NKAIN2: variants seen among roughly 807,000 people sequenced by gnomAD.
NKAIN2 encodes sodium/potassium-transporting ATPase subunit beta-1-interacting protein 2.
Under a neutral mutation model 32.6 loss-of-function variants are expected in NKAIN2, and 14 were observed. That is an observed-to-expected ratio of 0.43 (90% CI 0.28 to 0.67). The LOEUF is 0.67. Among genes scored for constraint, NKAIN2 ranks in the 30% least tolerant of loss-of-function variants. NKAIN2 has a pLI of 0.17. For synonymous variants in NKAIN2, 80 were observed against 87.2 expected (o/e 0.92, Z 0.46); for missense variants, 198 against 258.3 (o/e 0.77, Z 1.60).
intron 1 of NKAIN2, among the ~76,000 whole-genome samples, chr6:124,090,418 A>G (rs1318023300): frequency 6.6e-6 from 1 of 151,972 alleles, no homozygotes; most frequent in African/African-American, 2.4e-5. Flanking sequence ...TCATTTTGGT[A>G]TAATAGGATA....
intron 1 of NKAIN2, among the ~76,000 whole-genome samples, chr6:123,990,663 T>C (rs191819037): frequency 1.3e-4 from 20 of 152,328 alleles, no homozygotes; most frequent in Admixed American, 1.2e-3. Flanking sequence ...TTTGACACTT[T>C]GCATATGTCT....
At chr6:123,997,614 T>C (rs1394426574) in intron 1 of NKAIN2, among the ~76,000 whole-genome samples, 40 of 143,552 alleles carry the variant, frequency 2.8e-4, no homozygotes, top group Admixed American at 2.8e-3. Flanking sequence ...TTTTTTTTTT[T>C]TTTTTTTGAG....
chr6:124,125,903 C>T (rs532159466), intron 1 of NKAIN2, among the ~76,000 whole-genome samples: 1 of 152,174 alleles, frequency 6.6e-6, no homozygotes, highest in Non-Finnish European at 1.5e-5. Flanking sequence ...ACTTGTCATC[C>T]TTCCTTTGTT....
chr6:123,946,595 C>T (rs1020793422), intron 1 of NKAIN2, among the ~76,000 whole-genome samples: 12 of 152,048 alleles, frequency 7.9e-5, no homozygotes, highest in African/African-American at 2.9e-4. Context: ...GATTGTATTA[C>T]ACAAAAGAAA....
intron 3 of NKAIN2, among the ~76,000 whole-genome samples, chr6:124,529,283 G>A (rs994769532): frequency 6.6e-6 from 1 of 152,098 alleles, no homozygotes; most frequent in African/African-American, 2.4e-5. Context: ...TTACTAAAAG[G>A]TACGGGGCCC....
chr6:124,385,268 G>A (rs571060327), intron 3 of NKAIN2, among the ~76,000 whole-genome samples: 1 of 152,212 alleles, frequency 6.6e-6, no homozygotes, highest in Admixed American at 6.5e-5. Context: ...GGCATGTCAG[G>A]GAGATGGACG....
chr6:124,005,588 T>C (rs556827333), intron 1 of NKAIN2, among the ~76,000 whole-genome samples: 87 of 152,282 alleles, frequency 5.7e-4, no homozygotes, highest in African/African-American at 2.1e-3. Context: ...TTTATACTAA[T>C]TCATGCAAAG....
chr6:124,109,534 C>G (rs942440848), intron 1 of NKAIN2, among the ~76,000 whole-genome samples: 2 of 151,984 alleles, frequency 1.3e-5, no homozygotes, highest in Non-Finnish European at 2.9e-5. Flanking sequence ...TATATGAATA[C>G]ATATATACGA....
chr6:124,239,372 A>G (rs1792952102), intron 1 of NKAIN2, among the ~76,000 whole-genome samples: 1 of 152,160 alleles, frequency 6.6e-6, no homozygotes, highest in Non-Finnish European at 1.5e-5. Flanking sequence ...CGGGAGTTGA[A>G]TTCAGTTCTG....
At chr6:124,798,622 C>T (rs1349119111) in intron 5 of NKAIN2, among the ~76,000 whole-genome samples, 1 of 152,114 alleles carries the variant, frequency 6.6e-6, no homozygotes, top group African/African-American at 2.4e-5. Context: ...GCCCAAAGCA[C>T]AGAAGTTACT....
In NKAIN2 at chr6:124,825,380, G is replaced by A. The variant is rs1781545157; in HGVS notation, c.*2151G>A. ...GTAATCAGTGGACAGGTCATTTATG[G>A]GATCAGTAAGCACAGTAGTGTGATT... On this transcript the variant is annotated 3_prime_UTR_variant, in exon 7 of 7. Transcript: ENST00000368417. 1 of 152,576 alleles carries A rather than the reference G, an allele frequency of 6.6e-6. No individual in the cohort carries two copies. The highest frequency in any genetic ancestry group is 1.5e-5 in the Non-Finnish European group (1 of 68,026). The allele number at this position is 152,576 out of a possible 1,614,324, so 9.5% of individuals were successfully genotyped here.
chr6:124,003,852 A>G (rs1478802031), intron 1 of NKAIN2, among the ~76,000 whole-genome samples: 1 of 152,192 alleles, frequency 6.6e-6, no homozygotes. Flanking sequence ...GCAATGGGAA[A>G]TACAGAGTAC....
chr6:124,005,276 A>T (rs1780032696), intron 1 of NKAIN2, among the ~76,000 whole-genome samples: 1 of 152,090 alleles, frequency 6.6e-6, no homozygotes, highest in East Asian at 1.9e-4. Flanking sequence ...TATCATTTCC[A>T]ATTCTTATGT....
At chr6:124,286,679 C>T (rs1318520972) in intron 2 of NKAIN2, among the ~76,000 whole-genome samples, 6 of 131,880 alleles carry the variant, frequency 4.5e-5, no homozygotes, top group South Asian at 4.6e-4. Context: ...TGTGTGCGCG[C>T]GCGTGTGTGT....
At chr6:124,011,535 C>A (rs1369507419) in intron 1 of NKAIN2, among the ~76,000 whole-genome samples, 1 of 151,972 alleles carries the variant, frequency 6.6e-6, no homozygotes, top group Non-Finnish European at 1.5e-5. Context: ...AATAATACTT[C>A]TTTTATACCT....
intron 5 of NKAIN2, among the ~76,000 whole-genome samples, chr6:124,802,901 C>T (rs1252171688): frequency 2.0e-5 from 3 of 152,204 alleles, no homozygotes; most frequent in Admixed American, 1.3e-4. Context: ...CAATGGTGTT[C>T]TCATTAGCAT....
chr6:124,418,561 A>T (rs1380150283), intron 3 of NKAIN2, among the ~76,000 whole-genome samples: 1 of 138,668 alleles, frequency 7.2e-6, no homozygotes, highest in Non-Finnish European at 1.5e-5. Flanking sequence ...ATATATATAA[A>T]ATATATATAT....
intron 1 of NKAIN2, among the ~76,000 whole-genome samples, chr6:124,195,545 A>G (rs1332562493): frequency 6.6e-6 from 1 of 152,182 alleles, no homozygotes; most frequent in Non-Finnish European, 1.5e-5. Flanking sequence ...TCATTTGTGT[A>G]TGAGTAAACT....
intron 1 of NKAIN2, among the ~76,000 whole-genome samples, chr6:123,827,529 C>T (rs546466696): frequency 1.3e-5 from 2 of 151,998 alleles, no homozygotes; most frequent in African/African-American, 4.8e-5. Context: ...TCAATTTAGC[C>T]AGTAATTTGG....
Sources: allele counts gnomAD v4.1 joint callset (sites outside exome capture counted in the v4.1 genomes callset), GRCh38; gene constraint gnomAD v4.1.1; transcripts MANE v1.5; gene names NCBI Gene and HGNC (gene_info 2026-07-23, HGNC 2026-07-21).